SLC35F3: variants seen among roughly 807,000 people sequenced by gnomAD.
SLC35F3 encodes the protein solute carrier family 35 member F3, also known as putative thiamine transporter SLC35F3.
In SLC35F3, 25 loss-of-function variants were observed where a neutral mutation model predicts 49.9. The ratio of observed to expected loss-of-function variants is 0.50; its 90% CI spans 0.37 to 0.70. The LOEUF (loss-of-function observed/expected upper bound fraction) is 0.70, where lower values mean the gene tolerates loss of function less well. Ranked by LOEUF, SLC35F3 falls within the 30% of genes least tolerant of loss-of-function variation. The pLI is 0.00. For synonymous variants in SLC35F3, 275 were observed against 265.4 expected, an observed-to-expected ratio of 1.04 and a Z score of -0.35; for missense variants, 525 against 639.8, an observed-to-expected ratio of 0.82 and a Z score of 1.94.
chr1:234,322,703 C>T (rs1657653855), intron 7 of SLC35F3, among the ~76,000 whole-genome samples: 1 of 149,028 alleles, frequency 6.7e-6, no homozygotes, highest in Non-Finnish European at 1.5e-5. Flanking sequence ...TATCTCTCAT[C>T]TCCTCAACTG....
At chr1:234,197,168 C>G (rs1235758349) in intron 2 of SLC35F3, among the ~76,000 whole-genome samples, 2 of 152,130 alleles carry the variant, frequency 1.3e-5, no homozygotes, top group Non-Finnish European at 2.9e-5. Context: ...TGAAACTCAT[C>G]TGGGTTTGCT....
At chr1:234,023,584 A>G (rs1663932041) in intron 2 of SLC35F3, among the ~76,000 whole-genome samples, 1 of 152,146 alleles carries the variant, frequency 6.6e-6, no homozygotes, top group African/African-American at 2.4e-5. Flanking sequence ...CTCTCAAGGA[A>G]GTGGAGCTGT....
rs554863923 is a variant in SLC35F3, at chr1:233,995,151, A to G, written c.283+89393A>G. Reference sequence around the variant, plus strand: ...TTAACCGTCATCAACATCATCATCAATGGGAGATATGGGATTAAAACTAGT... The same window carrying G: ...TTAACCGTCATCAACATCATCATCAGTGGGAGATATGGGATTAAAACTAGT... On this transcript the variant is annotated intron_variant, in intron 2 of 7. Transcript: ENST00000366618. Among the ~76,000 whole-genome samples, 19 of 152,344 alleles carry G rather than the reference A, an allele frequency of 1.2e-4. No individual in the cohort carries two copies. In the South Asian group the frequency reaches 3.9e-3, roughly 32 times the overall value.
chr1:234,059,503 T>C (rs1664506498), intron 2 of SLC35F3, among the ~76,000 whole-genome samples: 3 of 152,210 alleles, frequency 2.0e-5, no homozygotes, highest in African/African-American at 7.2e-5. Flanking sequence ...GTTTTTGTTA[T>C]TGATTCCTAA....
chr1:233,952,512 A>C (rs115759202), intron 2 of SLC35F3, among the ~76,000 whole-genome samples: 108 of 152,214 alleles, frequency 7.1e-4, no homozygotes, highest in African/African-American at 2.4e-3. Context: ...CATAGGGCAA[A>C]GTCTCTTCCA....
intron 2 of SLC35F3, among the ~76,000 whole-genome samples, chr1:234,163,667 G>T (rs1345253687): frequency 1.3e-5 from 2 of 152,324 alleles, no homozygotes; most frequent in African/African-American, 4.8e-5. Flanking sequence ...AATGCTTTCT[G>T]TAGAGAAGAA....
chr1:233,942,691 AC>A (rs1294314149), intron 2 of SLC35F3, among the ~76,000 whole-genome samples: 3 of 152,220 alleles, frequency 2.0e-5, no homozygotes, highest in Non-Finnish European at 4.4e-5. Context: ...AGGACTACAG[AC>A]ATGAGCCGCT....
At chr1:234,001,464 T>G (rs1277459765) in intron 2 of SLC35F3, among the ~76,000 whole-genome samples, 1 of 152,188 alleles carries the variant, frequency 6.6e-6, no homozygotes, top group Non-Finnish European at 1.5e-5. Flanking sequence ...TTGTTATCAG[T>G]CATGCTAAGA....
chr1:234,082,456 T>A (rs1664892946), intron 2 of SLC35F3, among the ~76,000 whole-genome samples: 1 of 152,210 alleles, frequency 6.6e-6, no homozygotes, highest in African/African-American at 2.4e-5. Flanking sequence ...TTTTTGGTTT[T>A]ACATTCTGCT....
intron 3 of SLC35F3, among the ~76,000 whole-genome samples, chr1:234,271,867 G>A (rs535604482): frequency 4.6e-5 from 7 of 152,190 alleles, no homozygotes; most frequent in African/African-American, 1.7e-4. Flanking sequence ...GCTCAGGTCT[G>A]TAATCCCAGA....
At chr1:233,933,386 C>T (rs1662276679) in intron 2 of SLC35F3, among the ~76,000 whole-genome samples, 1 of 152,014 alleles carries the variant, frequency 6.6e-6, no homozygotes, top group African/African-American at 2.4e-5. Context: ...TCTCCCTCTG[C>T]CATCCTGGCT....
intron 2 of SLC35F3, among the ~76,000 whole-genome samples, chr1:234,174,386 T>C (rs778262541): frequency 1.3e-5 from 2 of 152,238 alleles, no homozygotes; most frequent in Non-Finnish European, 2.9e-5. Flanking sequence ...AACTGGTTGT[T>C]TTACTCACTT....
At chr1:234,153,448 A>G (rs995739106) in intron 2 of SLC35F3, among the ~76,000 whole-genome samples, 1 of 152,190 alleles carries the variant, frequency 6.6e-6, no homozygotes, top group Non-Finnish European at 1.5e-5. Context: ...CATCTCTACA[A>G]ATAATAATAA....
chr1:234,201,929 A>G (rs1000867347), intron 2 of SLC35F3, among the ~76,000 whole-genome samples: 141 of 152,144 alleles, frequency 9.3e-4, no homozygotes, highest in Non-Finnish European at 9.1e-4. Flanking sequence ...AAAAAAAAAA[A>G]AAGAAGGAGT....
At chr1:234,190,159 A>C (rs2102928538) in intron 2 of SLC35F3, among the ~76,000 whole-genome samples, 1 of 152,238 alleles carries the variant, frequency 6.6e-6, no homozygotes, top group South Asian at 2.1e-4. Flanking sequence ...AAACACACAC[A>C]AAAAAACCGA....
intron 2 of SLC35F3, among the ~76,000 whole-genome samples, chr1:233,906,731 C>T (rs1661783929): frequency 2.0e-5 from 3 of 151,756 alleles, no homozygotes; most frequent in Admixed American, 6.6e-5. Context: ...GGAAAACGGG[C>T]GTTTGTAATT....
At chr1:234,317,297 T>C (rs536303862) in intron 5 of SLC35F3, among the ~76,000 whole-genome samples, 1 of 152,254 alleles carries the variant, frequency 6.6e-6, no homozygotes, top group East Asian at 1.9e-4. Context: ...CAGCTTCAGG[T>C]CTAGAGGAAA....
chr1:234,002,099 C>T (rs1251858879), intron 2 of SLC35F3, among the ~76,000 whole-genome samples: 1 of 152,134 alleles, frequency 6.6e-6, no homozygotes, highest in African/African-American at 2.4e-5. Flanking sequence ...TCTTGCACCT[C>T]TCTATTTTTT....
At chr1:234,278,170 G>T (rs1198973786) in intron 3 of SLC35F3, among the ~76,000 whole-genome samples, 1 of 151,938 alleles carries the variant, frequency 6.6e-6, no homozygotes, top group Non-Finnish European at 1.5e-5. Context: ...TCCAGTCTGG[G>T]CAATAAAGCA....
Sources: allele counts gnomAD v4.1 joint callset (sites outside exome capture counted in the v4.1 genomes callset), GRCh38; gene constraint gnomAD v4.1.1; transcripts MANE v1.5; gene names NCBI Gene and HGNC (gene_info 2026-07-23, HGNC 2026-07-21).